Variants in RNF38 observed in about 807,000 individuals in gnomAD.
RNF38 encodes the protein E3 ubiquitin-protein ligase RNF38.
A neutral mutation model predicts 67.2 loss-of-function variants in RNF38; 15 were observed. That is an observed-to-expected ratio of 0.22 (90% CI 0.15 to 0.34). The LOEUF is 0.34. Ranked by LOEUF, RNF38 falls within the 10% of genes least tolerant of loss-of-function variation. The pLI is 1.00. For missense variants in RNF38, 524 were observed against 639.9 expected, an observed-to-expected ratio of 0.82 and a Z score of 1.95; for synonymous variants, 220 against 218.8, an observed-to-expected ratio of 1.01 and a Z score of -0.05.
intron 1 of RNF38, among the ~76,000 whole-genome samples, chr9:36,443,122 AT>A (rs1839230815): frequency 6.6e-6 from 1 of 152,204 alleles, no homozygotes; most frequent in African/African-American, 2.4e-5. Flanking sequence ...TTAAAACGTT[AT>A]TTTTAAGTAT....
At chr9:36,400,586 T>A, upstream of RNF38, 2 of 986,488 alleles carry the variant, frequency 2.0e-6, no homozygotes, top group Non-Finnish European at 2.4e-6. Flanking sequence ...GCCGGGCAGC[T>A]CCCGCGGATC....
chr9:36,487,012 G>A (rs376978177), intron 1 of RNF38, among the ~76,000 whole-genome samples: 109 of 152,170 alleles, frequency 7.2e-4, no homozygotes, highest in Non-Finnish European at 1.3e-3. Context: ...TGTGACCTTG[G>A]GCAAGTCACT....
At chr9:36,450,574 GGTGA>G (rs1839411890) in intron 1 of RNF38, among the ~76,000 whole-genome samples, 1 of 152,062 alleles carries the variant, frequency 6.6e-6, no homozygotes, top group Non-Finnish European at 1.5e-5. Flanking sequence ...TATAGAACTT[GGTGA>G]GTATTTCCTA....
At chr9:36,456,013 C>A (rs1839586561) in intron 1 of RNF38, among the ~76,000 whole-genome samples, 3 of 151,952 alleles carry the variant, frequency 2.0e-5, no homozygotes, top group Admixed American at 2.0e-4. Context: ...CCATTTCTTT[C>A]TAGCATCAGA....
intron 1 of RNF38, among the ~76,000 whole-genome samples, chr9:36,472,433 T>G (rs773306209): frequency 6.6e-6 from 1 of 152,212 alleles, no homozygotes; most frequent in African/African-American, 2.4e-5. Flanking sequence ...ATTCATAAAT[T>G]TCTTCAAGTG....
chr9:36,486,644 C>A (rs1840418349), intron 1 of RNF38, among the ~76,000 whole-genome samples: 1 of 152,118 alleles, frequency 6.6e-6, no homozygotes, highest in Non-Finnish European at 1.5e-5. Context: ...AGAGACCAAA[C>A]GGTCCCCACG....
chr9:36,341,199 T>C (rs1211976611), intron 11 of RNF38, among the ~76,000 whole-genome samples: 1 of 152,184 alleles, frequency 6.6e-6, no homozygotes, highest in Non-Finnish European at 1.5e-5. Flanking sequence ...TTCCTCACAT[T>C]CCAACTATCA....
chr9:36,476,355 G>A (rs557408820), intron 1 of RNF38, among the ~76,000 whole-genome samples: 2 of 151,644 alleles, frequency 1.3e-5, no homozygotes, highest in African/African-American at 4.8e-5. Flanking sequence ...CAGGTGATCC[G>A]CCCGCCTCAG....
chr9:36,421,848 C>A (rs1838636627), intron 2 of RNF38, among the ~76,000 whole-genome samples: 1 of 152,100 alleles, frequency 6.6e-6, no homozygotes, highest in Admixed American at 6.5e-5. Flanking sequence ...AGAAAGACGT[C>A]AGGGGGCTGT....
intron 8 of RNF38, 94 bp downstream of exon 8, chr9:36,352,647 CA>C (rs1292960588): frequency 1.1e-6 from 1 of 943,508 alleles, no homozygotes; most frequent in Non-Finnish European, 1.7e-6. Context: ...AAATAACTAA[CA>C]CACCAAAAGC....
At chr9:36,428,495 C>T (rs1336795231) in intron 1 of RNF38, among the ~76,000 whole-genome samples, 1 of 151,164 alleles carries the variant, frequency 6.6e-6, no homozygotes, top group East Asian at 1.9e-4. Context: ...ATTCAATTTC[C>T]CCTGCTGGAC....
intron 1 of RNF38, among the ~76,000 whole-genome samples, chr9:36,476,078 A>G (rs767235030): frequency 1.3e-4 from 20 of 152,040 alleles, no homozygotes; most frequent in Non-Finnish European, 2.8e-4. Context: ...ATAGTTTACA[A>G]TTAAGCTAAA....
At chr9:36,354,544 C>A (rs528502116) in intron 6 of RNF38, among the ~76,000 whole-genome samples, 1 of 152,288 alleles carries the variant, frequency 6.6e-6, no homozygotes, top group Admixed American at 6.5e-5. Context: ...GCTATGTCTA[C>A]CTTCTCTGCT....
intron 1 of RNF38, among the ~76,000 whole-genome samples, chr9:36,446,845 G>T (rs1032082653): frequency 7.5e-6 from 1 of 132,774 alleles, no homozygotes; most frequent in African/African-American, 2.9e-5. Flanking sequence ...AAAAAGTCAG[G>T]CATGGTGGCT....
intron 6 of RNF38, among the ~76,000 whole-genome samples, chr9:36,355,994 G>A (rs533832337): frequency 6.6e-6 from 1 of 152,012 alleles, no homozygotes; most frequent in Non-Finnish European, 1.5e-5. Context: ...TTACAGGCAC[G>A]TGCCACAATG....
chr9:36,456,059 A>G (rs1367077909), intron 1 of RNF38, among the ~76,000 whole-genome samples: 2 of 152,076 alleles, frequency 1.3e-5, no homozygotes. Flanking sequence ...AATTTTCTTG[A>G]TAACAATCCA....
intron 1 of RNF38, among the ~76,000 whole-genome samples, chr9:36,395,949 G>A (rs6476555): frequency 0.65 from 98,846 of 152,024 alleles, 32,195 homozygotes; most frequent in South Asian, 0.67. Context: ...GGTTATATAT[G>A]AACAGGACTT....
chr9:36,343,708 G>C (rs1833014581), intron 10 of RNF38, among the ~76,000 whole-genome samples: 1 of 151,952 alleles, frequency 6.6e-6, no homozygotes, highest in Non-Finnish European at 1.5e-5. Context: ...CTATACAATG[G>C]AATATTATTT....
rs35800705 is a variant in RNF38, at chr9:36,379,694, AG to A, written c.163-3568del. Among the ~76,000 whole-genome samples the A allele has an allele frequency of 1.4e-4, 21 of 152,362 alleles. 1 individual carries two copies. In the South Asian group the frequency reaches 2.3e-3, roughly 17 times the overall value. On this transcript the variant is annotated intron_variant, in intron 2 of 11. Coordinates refer to ENST00000259605, the MANE Select transcript of RNF38 (RefSeq NM_022781.5). ...AATGAAATTCCAGGAATGGTAGTAT[AG>A]GAAGTGTGGAAATTCATCATTCCAC... is the stretch of plus-strand genomic sequence containing the variant.
Sources: allele counts gnomAD v4.1 joint callset (sites outside exome capture counted in the v4.1 genomes callset), GRCh38; gene constraint gnomAD v4.1.1; transcripts MANE v1.5; gene names NCBI Gene and HGNC (gene_info 2026-07-23, HGNC 2026-07-21).